The following CLSTN3 variants were observed in gnomAD, a reference collection of about 807,000 sequenced individuals.
CLSTN3 encodes calsyntenin 3, also known as calsyntenin-3.
CLSTN3 carries 36 observed loss-of-function variants against 95.9 expected under a neutral mutation model. The ratio of observed to expected loss-of-function variants is 0.38; its 90% CI spans 0.29 to 0.50. The LOEUF (loss-of-function observed/expected upper bound fraction) is 0.50, where lower values mean the gene tolerates loss of function less well. CLSTN3 is among the 20% of genes least tolerant of loss of function. CLSTN3 has a pLI of 0.95. For synonymous variants in CLSTN3, 481 were observed against 504.0 expected (o/e 0.95, Z 0.61); for missense variants, 1,084 against 1,268.8 (o/e 0.85, Z 2.21).
chr12:7,157,962 T>A lies in CLSTN3; in HGVS notation c.2752T>A (p.Cys918Ser). 1 of 1,551,228 alleles carries A rather than the reference T, an allele frequency of 6.4e-7. No individual in the cohort carries two copies. Among genetic ancestry groups the A allele is most frequent in the Admixed American group, 2.0e-5 (1 of 50,986 alleles). Residue 918 changes from cysteine (C) to serine (S), a missense_variant, in exon 18 of 18, where the codon TGT becomes AGT. Cys to Ser is a moderately radical substitution (Grantham distance 112, BLOSUM62 -1). Coordinates refer to ENST00000266546, the MANE Select transcript of CLSTN3 (RefSeq NM_014718.4). The surrounding 1 kb of genome is among the most constrained non-coding windows in gnomAD (Gnocchi z 5.9). ...CCAGTCCTACCAGAATCGGCAGTCC[T>A]GTGTGACGGGGGCTGTTGGGGGCCA... ...PMESYQNRQS[C>S]VTGAVGGQQE... is the part of the protein sequence containing the mutation.
At position 7,133,264 on chromosome 12, in the gene CLSTN3, AGT is replaced by A; in HGVS notation, c.187+120_187+121del. 1 of 1,349,726 alleles carries A rather than the reference AGT, an allele frequency of 7.4e-7. No individual in the cohort carries two copies. Among genetic ancestry groups the A allele is most frequent in the Non-Finnish European group, 1.0e-6 (1 of 982,300 alleles). The allele number at this position is 1,349,726 out of a possible 1,614,324, so 83.6% of individuals were successfully genotyped here. On this transcript the variant is annotated intron_variant, in intron 2 of 17. Transcript: ENST00000266546. The surrounding 1 kb of genome is among the most constrained non-coding windows in gnomAD (Gnocchi z 4.7). ...TGATGAGAAAGTAAGGGAAGATAAA[AGT>A]GGGCTCAAGGAGGGGAATGGTCTCC...
chr12:7,137,795 T>A lies in CLSTN3; in HGVS notation c.1211-160T>A, dbSNP rs5796258. ...GTGTGTGTGTGTGTGTGTGTGTGTG[T>A]GAGAGAGAGAGAGAGAGAGAGAGAG... On this transcript the variant is annotated intron_variant, in intron 7 of 17. Coordinates refer to ENST00000266546, the MANE Select transcript of CLSTN3 (RefSeq NM_014718.4). This position sits in a 1 kb window ranked among gnomAD's most constrained non-coding sequence, Gnocchi z 4.4. Among the ~76,000 whole-genome samples, 8,899 of 70,446 alleles carry A rather than the reference T, an allele frequency of 0.13. 647 individuals carry two copies. The highest frequency in any genetic ancestry group is 0.27 in the Middle Eastern group (26 of 96). The allele number at this position is 70,446 out of a possible 152,430, so 46.2% of individuals were successfully genotyped here.
chr12:7,135,749 CT>C, intron 4 of CLSTN3, 54 bp from the exon 5 acceptor site: 1 of 1,545,958 alleles, frequency 6.5e-7, no homozygotes, highest in Non-Finnish European at 8.7e-7. Context: ...CCTCCCCTCC[CT>C]GCCCTGGGCT....
intron 1 of CLSTN3, chr12:7,131,011 A>C: frequency 2.0e-6 from 1 of 494,944 alleles, no homozygotes; most frequent in Non-Finnish European, 3.7e-6. Context: ...TAATTTCTAC[A>C]CGCTGGTGGC....
chr12:7,141,348 G>A lies in CLSTN3; in HGVS notation c.1430G>A (p.Gly477Asp), dbSNP rs750199694. The change falls in exon 9 of 18, where the codon GGC (glycine) becomes GAC (aspartate). Residue 477 changes from glycine to aspartate, a missense_variant. Gly to Asp is a moderately conservative substitution (Grantham distance 94). Transcript: ENST00000266546. The surrounding 1 kb of genome is among the most constrained non-coding windows in gnomAD (Gnocchi z 4.1). ...SFDPALIHDN[G>D]LIHPPRREPA... ...GACCCTGCCCTCATCCATGACAATG[G>A]CCTCATCCACCCACCCCGAAGGGAG... The A allele has an allele frequency of 7.4e-6, 12 of 1,614,134 alleles. No homozygotes were observed. Among genetic ancestry groups the A allele is most frequent in the Non-Finnish European group, 1.0e-5 (12 of 1,180,030 alleles).
At chr12:7,131,603 C>G (rs1387384341) in intron 1 of CLSTN3, among the ~76,000 whole-genome samples, 2 of 151,922 alleles carry the variant, frequency 1.3e-5, no homozygotes, top group Non-Finnish European at 2.9e-5. Context: ...ACGCAGAGAC[C>G]GCAGGGGGCC....
intron 3 of CLSTN3, among the ~76,000 whole-genome samples, chr12:7,134,280 A>G (rs1020530466): frequency 6.6e-6 from 1 of 152,198 alleles, no homozygotes; most frequent in African/African-American, 2.4e-5. Context: ...CACGATCCCT[A>G]TCATACACAT....
In CLSTN3 at chr12:7,149,082, G is replaced by C. The variant is rs755588426; in HGVS notation, c.1958G>C (p.Arg653Pro). 2.5e-6 allele frequency: 4 copies of C among 1,614,076 alleles called. No individual in the cohort carries two copies. The highest frequency in any genetic ancestry group is 1.3e-5 in the African/African-American group (1 of 74,920). Residue 653 changes from arginine to proline, a missense_variant, in exon 13 of 18, where the codon CGC (arginine) becomes CCC (proline). Arg to Pro is a moderately radical substitution (Grantham distance 103). Transcript: ENST00000266546. The surrounding 1 kb of genome is among the most constrained non-coding windows in gnomAD (Gnocchi z 4.5). ...ILLSGTAHFA[R>P]PAVDFEGTNG... ...CTGAGTGGCACTGCTCATTTTGCCC[G>C]CCCAGCTGTGGACTTTGAGGGAACC... is the stretch of plus-strand genomic sequence containing the variant.
At chr12:7,146,712 T>C (rs1229119458) in intron 12 of CLSTN3, among the ~76,000 whole-genome samples, 5 of 152,234 alleles carry the variant, frequency 3.3e-5, no homozygotes. Context: ...CTTTTAACTT[T>C]TGTGTGCCAC....
intron 6 of CLSTN3, among the ~76,000 whole-genome samples, 193 bp downstream of exon 6, chr12:7,136,584 CCAGA>C (rs1219011762): frequency 6.6e-6 from 1 of 152,192 alleles, no homozygotes; most frequent in Admixed American, 6.5e-5. Context: ...AGTCATCGCA[CCAGA>C]CAGTCACCGG....
intron 12 of CLSTN3, among the ~76,000 whole-genome samples, chr12:7,145,657 C>T (rs1225743037): frequency 6.6e-6 from 1 of 151,904 alleles, no homozygotes; most frequent in Non-Finnish European, 1.5e-5. Flanking sequence ...CTAGTTTTGT[C>T]CTCTTTCCAC....
At position 7,136,269 on chromosome 12, in the gene CLSTN3, G is replaced by A. The variant is rs201295647; in HGVS notation, c.806G>A (p.Arg269His). ...AGCTTGGCTTTGTTCCCTGGTATCC[G>A]CCTGGAGACCTGTGATGAACCACTC... Reference protein sequence around the residue: ...AGSLALFPGIRLETCDEPLWN... With the variant: ...AGSLALFPGIHLETCDEPLWN... The change falls in exon 6 of 18, where the codon CGC becomes CAC. Residue 269 changes from arginine (R) to histidine (H), a missense_variant. Coordinates refer to ENST00000266546, the MANE Select transcript of CLSTN3 (RefSeq NM_014718.4). The A allele has an allele frequency of 7.6e-5, 122 of 1,614,128 alleles. No homozygotes were observed. The East Asian group carries it at 9.4e-4, about 12-fold the overall frequency.
intron 16 of CLSTN3, among the ~76,000 whole-genome samples, chr12:7,155,105 T>C (rs1454254317): frequency 1.3e-5 from 2 of 152,214 alleles, no homozygotes. Flanking sequence ...GGCTTTCCAC[T>C]GTCCTCGCAA....
Position 7,137,278 on chromosome 12 carries a change from C to T in CLSTN3, c.1210+168C>T, listed in dbSNP as rs1031826065. On this transcript the variant is annotated intron_variant, in intron 7 of 17. Coordinates refer to ENST00000266546, the MANE Select transcript of CLSTN3 (RefSeq NM_014718.4). This position sits in a 1 kb window ranked among gnomAD's most constrained non-coding sequence, Gnocchi z 4.4. ...ATTCTGTGCTTTATCCCCAACATGA[C>T]ATGTTGGATCGTACTGCTGTCAGAG... 1 of 661,098 alleles carries T rather than the reference C, an allele frequency of 1.5e-6. No individual in the cohort carries two copies. The allele number at this position is 661,098 out of a possible 1,614,324, so 41.0% of individuals were successfully genotyped here.
Position 7,142,076 on chromosome 12 carries a change from T to A in CLSTN3, c.1487-10T>A. ...CACCAGCACTGTTTTTTTTTTTTTT[T>A]TATCCCCAGAGGAGAAGAACAAAGA... is the stretch of plus-strand genomic sequence containing the variant. On this transcript the variant is annotated splice_polypyrimidine_tract_variant and intron_variant, in intron 9 of 17. Coordinates refer to ENST00000266546, the MANE Select transcript of CLSTN3 (RefSeq NM_014718.4). The A allele has an allele frequency of 5.7e-6, 9 of 1,566,230 alleles. No homozygotes were observed. Among genetic ancestry groups the A allele is most frequent in the Admixed American group, 1.9e-5 (1 of 53,570 alleles).
intron 8 of CLSTN3, chr12:7,138,829 CAAAAAAAAAAAAA>C (rs5796259): frequency 4.6e-5 from 2 of 43,192 alleles, no homozygotes; most frequent in South Asian, 1.6e-3. Context: ...AAGCAAACGG[CAAAAAAAAAAAAA>C]AAAAAAAAAA....
At position 7,133,790 on chromosome 12, in the gene CLSTN3, GCC is replaced by G; in HGVS notation, c.383+25_383+26del. The G allele has an allele frequency of 6.5e-7, 1 of 1,538,636 alleles. No individual in the cohort carries two copies. The highest frequency in any genetic ancestry group is 8.7e-7 in the Non-Finnish European group (1 of 1,145,008). ...ACAAGTGAGGAAGTCCTTGTCTCCT[GCC>G]CCATGTGTTGCAGGGTCCTCCTCCC... On this transcript the variant is annotated intron_variant, in intron 3 of 17. Transcript: ENST00000266546. The surrounding 1 kb of genome is among the most constrained non-coding windows in gnomAD (Gnocchi z 4.7).
upstream of CLSTN3, chr12:7,129,229 AG>A (rs35400722): frequency 8.6e-6 from 2 of 232,980 alleles, no homozygotes; most frequent in African/African-American, 4.4e-5. The surrounding 1 kb of genome is among the most constrained non-coding windows in gnomAD (Gnocchi z 5.5). Flanking sequence ...GAGACACCTG[AG>A]GCTGGTCTGG....
upstream of CLSTN3, chr12:7,130,246 ACT>A (rs1409957350): frequency 2.3e-5 from 10 of 435,108 alleles, no homozygotes; most frequent in African/African-American, 4.5e-5. Context: ...GAGCCTTGAA[ACT>A]CTCCAGCCCC....
Sources: gnomAD v4.1 joint callset for allele counts (sites outside exome capture counted in the v4.1 genomes callset) on GRCh38, gnomAD v4.1.1 for gene constraint, Gnocchi (gnomAD v3.1) non-coding constraint, MANE v1.5 for transcripts, NCBI Gene and HGNC (gene_info 2026-07-23, HGNC 2026-07-21) for gene names.